CFAP299: variants seen among roughly 807,000 people sequenced by gnomAD.
CFAP299 encodes cilia- and flagella-associated protein 299.
CFAP299 carries 21 observed loss-of-function variants against 27.0 expected under a neutral mutation model. That is an observed-to-expected ratio of 0.78 (90% confidence interval 0.55 to 1.12). CFAP299 has a LOEUF of 1.12. CFAP299 is among the 50% of genes most tolerant of loss of function. The pLI, the probability that CFAP299 is intolerant of heterozygous loss-of-function variation, is 0.00. For synonymous variants in CFAP299, 104 were observed against 98.1 expected (o/e 1.06, Z -0.36); for missense variants, 310 against 276.6 (o/e 1.12, Z -0.86).
At chr4:80,630,120 A>G (rs897293452) in intron 3 of CFAP299, among the ~76,000 whole-genome samples, 2 of 152,154 alleles carry the variant, frequency 1.3e-5, no homozygotes, top group Admixed American at 6.6e-5. Context: ...GAAAAAAAGA[A>G]TCCTCCACGG....
At chr4:80,367,474 G>A (rs1353707081) in intron 2 of CFAP299, among the ~76,000 whole-genome samples, 1 of 151,992 alleles carries the variant, frequency 6.6e-6, no homozygotes, top group Non-Finnish European at 1.5e-5. Flanking sequence ...TTACTTCTTT[G>A]TCTTAATTTG....
At position 80,904,259 on chromosome 4, in the gene CFAP299, C is replaced by T. The variant is rs555341188; in HGVS notation, c.476+34124C>T. On this transcript the variant is annotated intron_variant, in intron 4 of 5. Transcript: ENST00000358105. ...TGGAGAACACTGGATTAAAGCAGTG[C>T]TTCCTTAAAATGGTTCCAGAGTCAA... Among the ~76,000 whole-genome samples the T allele has an allele frequency of 8.5e-5, 13 of 152,250 alleles. 1 individual carries two copies. The highest frequency in any genetic ancestry group is 3.1e-4 in the African/African-American group (13 of 41,542).
intron 3 of CFAP299, among the ~76,000 whole-genome samples, chr4:80,616,661 A>G (rs1050250921): frequency 3.8e-4 from 58 of 152,012 alleles, no homozygotes; most frequent in Admixed American, 1.0e-3. Context: ...AAGCATGTAT[A>G]TTTAGATTAA....
At chr4:80,656,978 G>T (rs1740588501) in intron 3 of CFAP299, among the ~76,000 whole-genome samples, 1 of 152,120 alleles carries the variant, frequency 6.6e-6, no homozygotes, top group South Asian at 2.1e-4. Context: ...AGTGACCTGT[G>T]ATGATGAGCT....
At chr4:80,526,561 A>C (rs1190463829) in intron 2 of CFAP299, among the ~76,000 whole-genome samples, 1 of 152,110 alleles carries the variant, frequency 6.6e-6, no homozygotes, top group Non-Finnish European at 1.5e-5. Flanking sequence ...ATTTTTAATG[A>C]GTATAGATTT....
intron 3 of CFAP299, among the ~76,000 whole-genome samples, chr4:80,600,803 A>G (rs1737302902): frequency 6.6e-6 from 1 of 152,158 alleles, no homozygotes; most frequent in African/African-American, 2.4e-5. Flanking sequence ...TGTGGTAAAG[A>G]TAGTAGGCTA....
chr4:80,338,863 T>G (rs1722293798), intron 1 of CFAP299, among the ~76,000 whole-genome samples: 1 of 152,174 alleles, frequency 6.6e-6, no homozygotes, highest in African/African-American at 2.4e-5. Flanking sequence ...CTCCCAAAAG[T>G]TTTCAGTTAA....
chr4:80,712,791 C>CA (rs916163786), intron 3 of CFAP299, among the ~76,000 whole-genome samples: 1 of 152,064 alleles, frequency 6.6e-6, no homozygotes, highest in South Asian at 2.1e-4. Flanking sequence ...TTAGATTTTA[C>CA]AAAAATTGTA....
rs1553919193 is a variant in CFAP299 at position 80,390,793 on chromosome 4, G to GTATATATACATATACACA, written c.242+27914_242+27915insATACATATACACATATAT. The stretch of plus-strand genomic sequence containing the variant: ...TGTATATATACATATACACATATAT[G>GTATATATACATATACACA]TATATGTATATATGTATACACACAT... On this transcript the variant is annotated intron_variant, in intron 2 of 5. Transcript: ENST00000358105. Among the ~76,000 whole-genome samples the GTATATATACATATACACA allele has an allele frequency of 2.4e-5, 3 of 123,606 alleles. No homozygotes were observed. The East Asian group carries it at 7.1e-4, about 29-fold the overall frequency. 81.1% of individuals were successfully genotyped at this position (123,606 alleles called of 152,430 possible).
intron 3 of CFAP299, among the ~76,000 whole-genome samples, chr4:80,631,518 A>G (rs1577955343): frequency 6.6e-6 from 1 of 152,224 alleles, no homozygotes; most frequent in East Asian, 1.9e-4. Context: ...GCATTAATCT[A>G]GCATTTTTTC....
At chr4:80,701,667 T>TAAA (rs1721490546) in intron 3 of CFAP299, among the ~76,000 whole-genome samples, 1 of 151,972 alleles carries the variant, frequency 6.6e-6, no homozygotes, top group African/African-American at 2.4e-5. Flanking sequence ...ACTTTCTTCT[T>TAAA]ACAGCAGTGT....
intron 2 of CFAP299, among the ~76,000 whole-genome samples, chr4:80,396,679 G>A (rs539475624): frequency 1.3e-5 from 2 of 152,056 alleles, no homozygotes; most frequent in African/African-American, 4.8e-5. Context: ...GCTGGATTAC[G>A]TTTATTGATT....
intron 4 of CFAP299, among the ~76,000 whole-genome samples, chr4:80,943,931 T>C (rs1476918941): frequency 6.6e-6 from 1 of 152,036 alleles, no homozygotes; most frequent in Non-Finnish European, 1.5e-5. Context: ...CTGAGCGTGG[T>C]GGCGCACACC....
chr4:80,820,455 A>C (rs147057715), intron 3 of CFAP299, among the ~76,000 whole-genome samples: 68 of 151,966 alleles, frequency 4.5e-4, no homozygotes, highest in African/African-American at 1.6e-3. Context: ...TGCAACTACA[A>C]TTTGTAGAGC....
rs11299379 is a variant in CFAP299, at chr4:80,911,948, TAA to T, written c.477-32852_477-32851del. ...AAATTTGTCTGAAATTGCCTCAAAA[TAA>T]AAAAAAAAATATATGTACTGTATTC... On this transcript the variant is annotated intron_variant, in intron 4 of 5. Coordinates refer to ENST00000358105, the MANE Select transcript of CFAP299 (RefSeq NM_152770.3). Among the ~76,000 whole-genome samples, 781 of 151,060 alleles carry T rather than the reference TAA, an allele frequency of 5.2e-3. 21 individuals carry two copies. Among genetic ancestry groups the T allele is most frequent in the Admixed American group, 0.042 (639 of 15,168 alleles).
At chr4:80,565,068 A>G (rs1735216222) in intron 2 of CFAP299, among the ~76,000 whole-genome samples, 2 of 152,046 alleles carry the variant, frequency 1.3e-5, no homozygotes, top group African/African-American at 2.4e-5. Flanking sequence ...CCCATTAAAG[A>G]GGAACTTTAT....
intron 3 of CFAP299, among the ~76,000 whole-genome samples, chr4:80,730,923 T>G (rs972884968): frequency 6.6e-6 from 1 of 152,236 alleles, no homozygotes; most frequent in African/African-American, 2.4e-5. Flanking sequence ...TGCACATGCC[T>G]TTATTCTTCC....
chr4:80,796,046 C>A (rs1417269922), intron 3 of CFAP299, among the ~76,000 whole-genome samples: 1 of 152,136 alleles, frequency 6.6e-6, no homozygotes, highest in Non-Finnish European at 1.5e-5. Flanking sequence ...TATTGCAGTG[C>A]CTTCTCCTGT....
chr4:80,717,216 G>A (rs1377082028), intron 3 of CFAP299, among the ~76,000 whole-genome samples: 3 of 152,076 alleles, frequency 2.0e-5, no homozygotes, highest in South Asian at 2.1e-4. Flanking sequence ...CTAAGGTGGG[G>A]TGGTGACATA....
Sources: gnomAD v4.1 joint callset for allele counts (sites outside exome capture counted in the v4.1 genomes callset) on GRCh38, gnomAD v4.1.1 for gene constraint, MANE v1.5 for transcripts, NCBI Gene and HGNC (gene_info 2026-07-23, HGNC 2026-07-21) for gene names.